The following IPO9 variants were observed in gnomAD, a reference collection of about 807,000 sequenced individuals.
IPO9 encodes importin 9.
A neutral mutation model predicts 128.6 loss-of-function variants in IPO9; 28 were observed. That is an observed-to-expected ratio of 0.22 (90% CI 0.16 to 0.30). IPO9 has a LOEUF of 0.30. IPO9 is among the 10% of genes least tolerant of loss of function. IPO9 has a pLI of 1.00. For synonymous variants in IPO9, 455 were observed against 475.8 expected, an observed-to-expected ratio of 0.96 and a Z score of 0.57; for missense variants, 935 against 1,293.9, an observed-to-expected ratio of 0.72 and a Z score of 4.26.
rs1368166229 is a variant in IPO9, at chr1:201,882,923, A to G, written c.*6869A>G. On this transcript the variant is annotated 3_prime_UTR_variant, in exon 24 of 24. Coordinates refer to ENST00000361565, the MANE Select transcript of IPO9 (RefSeq NM_018085.5). ...CATAGCTGGGAGCTATGTTTGGCTC[A>G]TTCTTCCTGACTCACTGGATTACAC... 6.6e-6 allele frequency: 1 copy of G among 152,630 alleles called. No individual in the cohort carries two copies. The highest frequency in any genetic ancestry group is 2.4e-5 in the African/African-American group (1 of 41,442). The allele number at this position is 152,630 out of a possible 1,614,324, so 9.5% of individuals were successfully genotyped here.
Position 201,868,795 on chromosome 1 carries a change from C to A in IPO9, c.2003C>A (p.Ala668Glu). Residue 668 changes from alanine to glutamate, a missense_variant and splice_region_variant, in exon 16 of 24, where the codon GCG (alanine) becomes GAG (glutamate). Coordinates refer to ENST00000361565, the MANE Select transcript of IPO9 (RefSeq NM_018085.5). ...PADKIPAGLCATAIDILTTVV... is the reference protein window; with the variant it reads ...PADKIPAGLCETAIDILTTVV... ...GACAAGATTCCTGCAGGGCTTTGTG[C>A]GGTAAGTGGCCGTGTGTGTGTGTGT... is the stretch of plus-strand genomic sequence containing the variant. 6.3e-7 allele frequency: 1 copy of A among 1,588,536 alleles called. No homozygotes were observed. The highest frequency in any genetic ancestry group is 1.1e-5 in the South Asian group (1 of 89,368).
At position 201,835,503 on chromosome 1, in the gene IPO9, A is replaced by G. The variant is rs551691889; in HGVS notation, c.163+6131A>G. ...GATAGGAATAAAGGTATAATTAAGG[A>G]GAATCTAGAGTCAGGGTGAAAACCC... On this transcript the variant is annotated intron_variant, in intron 1 of 23. Coordinates refer to ENST00000361565, the MANE Select transcript of IPO9 (RefSeq NM_018085.5). Among the ~76,000 whole-genome samples the G allele has an allele frequency of 2.6e-5, 4 of 152,356 alleles. No individual in the cohort carries two copies. In the South Asian group the frequency reaches 8.3e-4, roughly 32 times the overall value.
In IPO9 at chr1:201,880,136, C is replaced by T. The variant is rs1680858415; in HGVS notation, c.*4082C>T. On this transcript the variant is annotated 3_prime_UTR_variant, in exon 24 of 24. Transcript: ENST00000361565. ...GCTGAGGAGGGCAGATCACTTAAGCCCAAGAGTTTGAGACCAGTCTGGGCA... is the reference window on the plus strand; with the variant it reads ...GCTGAGGAGGGCAGATCACTTAAGCTCAAGAGTTTGAGACCAGTCTGGGCA... 6.6e-6 allele frequency: 1 copy of T among 152,006 alleles called. No individual in the cohort carries two copies. Among genetic ancestry groups the T allele is most frequent in the Non-Finnish European group, 1.5e-5 (1 of 68,002 alleles). 9.4% of individuals were successfully genotyped at this position (152,006 alleles called of 1,614,324 possible). A position where few individuals can be genotyped will look rare whatever the true frequency, so the allele number is the denominator to read the frequency against.
At chr1:201,850,563 T>A (rs866887507) in intron 4 of IPO9, 2 of 152,164 alleles carry the variant, frequency 1.3e-5, no homozygotes, top group African/African-American at 4.8e-5. Context: ...GTTTGGAGAT[T>A]GAGATGTTGC....
chr1:201,861,130 C>T (rs113202970), intron 13 of IPO9, among the ~76,000 whole-genome samples: 7,535 of 152,122 alleles, frequency 0.05, 247 homozygotes, highest in South Asian at 0.07. Context: ...TGTGCCAGTG[C>T]GCTCCAGCCT....
intron 6 of IPO9, among the ~76,000 whole-genome samples, chr1:201,853,711 T>A (rs1680267242): frequency 6.6e-6 from 1 of 151,964 alleles, no homozygotes; most frequent in Admixed American, 6.6e-5. Flanking sequence ...CTACCACTCC[T>A]GGCTAATGAA....
intron 1 of IPO9, among the ~76,000 whole-genome samples, chr1:201,831,722 A>G (rs1181406287): frequency 1.3e-5 from 2 of 152,178 alleles, no homozygotes; most frequent in East Asian, 1.9e-4. Flanking sequence ...ACATGAAAAC[A>G]TAGAACCCAG....
rs916134583 is a variant in IPO9, at chr1:201,870,410, A to G, written c.2134-173A>G. 1.3e-5 allele frequency among the ~76,000 whole-genome samples: 2 copies of G among 152,234 alleles called. No homozygotes were observed. Among genetic ancestry groups the G allele is most frequent in the South Asian group, 2.1e-4 (1 of 4,834 alleles). ...AGGGGGAATTATGTAATGCACGTCTATGTCTGTAACAGTAAATGTCTTAAC... is the reference window on the plus strand; with the variant it reads ...AGGGGGAATTATGTAATGCACGTCTGTGTCTGTAACAGTAAATGTCTTAAC... On this transcript the variant is annotated intron_variant, in intron 17 of 23. Transcript: ENST00000361565. This position sits in a 1 kb window ranked among gnomAD's most constrained non-coding sequence, Gnocchi z 4.9.
At chr1:201,837,974 G>A (rs1044772082) in intron 1 of IPO9, among the ~76,000 whole-genome samples, 1 of 152,204 alleles carries the variant, frequency 6.6e-6, no homozygotes, top group African/African-American at 2.4e-5. Flanking sequence ...GGAGGCTGAG[G>A]CAGGAGGATC....
intron 13 of IPO9, among the ~76,000 whole-genome samples, chr1:201,860,593 T>A (rs2102882340): frequency 6.6e-6 from 1 of 152,356 alleles, no homozygotes; most frequent in Middle Eastern, 3.4e-3. Context: ...GAATATTTGT[T>A]ATTTAGTCTG....
intron 1 of IPO9, among the ~76,000 whole-genome samples, chr1:201,844,639 G>A (rs193031383): frequency 2.0e-3 from 299 of 152,360 alleles, no homozygotes; most frequent in African/African-American, 6.8e-3. Context: ...CATGAACTCT[G>A]TACTGTTCAG....
At position 201,875,927 on chromosome 1, in the gene IPO9, C is replaced by G. The variant is rs41303253; in HGVS notation, c.3016-17C>G. Reference sequence around the variant, plus strand: ...CTTGCAATGTCTCACTAATGCCACTCTTGCTCTTTCCTCCAGGCATATCTC... The same window carrying G: ...CTTGCAATGTCTCACTAATGCCACTGTTGCTCTTTCCTCCAGGCATATCTC... On this transcript the variant is annotated splice_polypyrimidine_tract_variant and intron_variant, in intron 23 of 23. Transcript: ENST00000361565. 7.9e-4 allele frequency: 1,194 copies of G among 1,517,764 alleles called. No individual in the cohort carries two copies. Among genetic ancestry groups the G allele is most frequent in the Non-Finnish European group, 1.1e-3 (1,161 of 1,092,500 alleles). 94.0% of individuals were successfully genotyped at this position (1,517,764 alleles called of 1,614,324 possible). A position where few individuals can be genotyped will look rare whatever the true frequency, so the allele number is the denominator to read the frequency against.
In IPO9 at chr1:201,845,025, A is replaced by AG. The variant is rs368664016; in HGVS notation, c.164-2246dup. ...TATTGATACCAGTATTTTTTTTGGG[A>AG]GGGGGGGGCGTACAGAGTTTCCCTC... On this transcript the variant is annotated intron_variant, in intron 1 of 23. Coordinates refer to ENST00000361565, the MANE Select transcript of IPO9 (RefSeq NM_018085.5). Among the ~76,000 whole-genome samples, 207 of 93,112 alleles carry AG rather than the reference A, an allele frequency of 2.2e-3. 1 individual carries two copies. The highest frequency in any genetic ancestry group is 3.3e-3 in the African/African-American group (118 of 35,660). The allele number at this position is 93,112 out of a possible 152,430, so 61.1% of individuals were successfully genotyped here.
At chr1:201,872,467 G>A (rs1055607813) in intron 19 of IPO9, among the ~76,000 whole-genome samples, 1 of 152,064 alleles carries the variant, frequency 6.6e-6, no homozygotes, top group African/African-American at 2.4e-5. Context: ...AGCCAGGCAC[G>A]GTGGCGCATG....
Position 201,870,416 on chromosome 1 carries a change from G to A in IPO9, c.2134-167G>A, listed in dbSNP as rs1680625561. On this transcript the variant is annotated intron_variant, in intron 17 of 23. Transcript: ENST00000361565. This position sits in a 1 kb window ranked among gnomAD's most constrained non-coding sequence, Gnocchi z 4.9. ...AATTATGTAATGCACGTCTATGTCT[G>A]TAACAGTAAATGTCTTAACTCCAGT... Among the ~76,000 whole-genome samples the A allele has an allele frequency of 6.6e-6, 1 of 152,164 alleles. No individual in the cohort carries two copies. Among genetic ancestry groups the A allele is most frequent in the Non-Finnish European group, 1.5e-5 (1 of 68,034 alleles).
At position 201,870,295 on chromosome 1, in the gene IPO9, C is replaced by T. The variant is rs1255430139; in HGVS notation, c.2134-288C>T. Among the ~76,000 whole-genome samples the T allele has an allele frequency of 6.6e-6, 1 of 151,970 alleles. No individual in the cohort carries two copies. The highest frequency in any genetic ancestry group is 1.5e-5 in the Non-Finnish European group (1 of 68,010). ...ATATTTTTTTAGTACCAGAGGTAGA[C>T]CTTTATGATTAAAATTCATTTTGCT... On this transcript the variant is annotated intron_variant, in intron 17 of 23. Transcript: ENST00000361565. This position sits in a 1 kb window ranked among gnomAD's most constrained non-coding sequence, Gnocchi z 4.9.
intron 19 of IPO9, 25 bp downstream of exon 19, chr1:201,871,352 G>C (rs1485408836): frequency 7.7e-7 from 1 of 1,301,272 alleles, no homozygotes; most frequent in South Asian, 1.4e-5. Context: ...TTCTTTTCTG[G>C]GCATTCTGCC....
At chr1:201,841,642 A>G (rs1373397181) in intron 1 of IPO9, among the ~76,000 whole-genome samples, 5 of 152,238 alleles carry the variant, frequency 3.3e-5, no homozygotes, top group African/African-American at 1.2e-4. Flanking sequence ...GGAGAAGTTG[A>G]TATCTTGGCT....
chr1:201,873,002 A>G, intron 20 of IPO9, 41 bp downstream of exon 20: 2 of 1,569,588 alleles, frequency 1.3e-6, no homozygotes, highest in Non-Finnish European at 1.7e-6. Flanking sequence ...TCCCTATACG[A>G]AGGGGCTAAG....
Sources: allele counts gnomAD v4.1 joint callset (sites outside exome capture counted in the v4.1 genomes callset), GRCh38; gene constraint gnomAD v4.1.1; non-coding constraint Gnocchi (gnomAD v3.1); transcripts MANE v1.5; gene names NCBI Gene and HGNC (gene_info 2026-07-23, HGNC 2026-07-21).